The following SRL variants were observed in gnomAD, a reference collection of about 807,000 sequenced individuals.
SRL encodes the protein sarcalumenin.
Under a neutral mutation model 39.5 loss-of-function variants are expected in SRL, and 23 were observed. The ratio of observed to expected loss-of-function variants is 0.58; its 90% CI spans 0.42 to 0.82. The LOEUF (loss-of-function observed/expected upper bound fraction) is 0.82. SRL is among the 40% of genes least tolerant of loss of function. The pLI, the probability that SRL is intolerant of heterozygous loss-of-function variation, is 0.00. For missense variants in SRL, 592 were observed against 607.8 expected, an observed-to-expected ratio of 0.97 and a Z score of 0.27; for synonymous variants, 272 against 237.4, an observed-to-expected ratio of 1.15 and a Z score of -1.34.
rs1405953940 is a variant in SRL, at chr16:4,197,889, C to A, written c.286G>T (p.Val96Leu). ...TDGEITSKPMVLFLGPWSVGK... is the reference protein window; with the variant it reads ...TDGEITSKPMLLFLGPWSVGK... ...ACACTCCACGGTCCCAGGAACAGTA[C>A]CATGGGCTTGGAGGTAATCTCTCCA... Residue 96 changes from valine to leucine, a missense_variant, in exon 4 of 6, where the codon GTA becomes TTA. Coordinates refer to ENST00000399609, the MANE Select transcript of SRL (RefSeq NM_001098814.2). 2.5e-6 allele frequency: 4 copies of A among 1,613,720 alleles called. No homozygotes were observed. The highest frequency in any genetic ancestry group is 2.5e-6 in the Non-Finnish European group (3 of 1,179,644).
intron 1 of SRL, among the ~76,000 whole-genome samples, chr16:4,224,279 C>G (rs551816262): frequency 1.3e-5 from 2 of 152,208 alleles, no homozygotes; most frequent in Non-Finnish European, 2.9e-5. Context: ...AGAAAAACAC[C>G]AACCCTGCCC....
chr16:4,199,114 C>G (rs1412505532), intron 3 of SRL, among the ~76,000 whole-genome samples: 1 of 152,142 alleles, frequency 6.6e-6, no homozygotes, highest in Non-Finnish European at 1.5e-5. Flanking sequence ...CTGAGGCCAG[C>G]AGGCCACCCT....
intron 2 of SRL, 35 bp from the exon 3 acceptor site, chr16:4,203,296 G>T (rs749872952): frequency 1.9e-6 from 3 of 1,579,812 alleles, no homozygotes; most frequent in Non-Finnish European, 1.7e-6. Flanking sequence ...AGAGCATCAC[G>T]CAGGTGCGAT....
intron 1 of SRL, among the ~76,000 whole-genome samples, chr16:4,230,622 C>CAG (rs1567190189): frequency 6.6e-6 from 1 of 151,724 alleles, no homozygotes; most frequent in East Asian, 1.9e-4. Context: ...CTCCCGACCT[C>CAG]GTGATCCGCA....
chr16:4,192,862 A>T lies in SRL; in HGVS notation c.713T>A (p.Met238Lys). The T allele has an allele frequency of 6.2e-7, 1 of 1,614,200 alleles. No individual in the cohort carries two copies. ...TKLDVGLELE[M>K]LFRQLKGRES... is the part of the protein sequence containing the mutation. The stretch of plus-strand genomic sequence containing the variant: ...ACGCCCCTTCAACTGGCGGAAGAGC[A>T]TCTCCAGCTCTAGACCCACATCCAG... Residue 238 changes from methionine (M) to lysine (K), a missense_variant, in exon 6 of 6, where the codon ATG (methionine) becomes AAG (lysine). Physicochemically the swap from Met to Lys is moderately conservative, Grantham distance 95. Transcript: ENST00000399609. This position sits in a 1 kb window ranked among gnomAD's most constrained non-coding sequence, Gnocchi z 4.0.
chr16:4,211,111 T>A (rs1449462849), intron 1 of SRL, among the ~76,000 whole-genome samples: 1 of 152,028 alleles, frequency 6.6e-6, no homozygotes, highest in East Asian at 1.9e-4. Context: ...TGCTTCCCTT[T>A]CTCTGCAGTT....
Position 4,240,961 on chromosome 16 carries a change from C to T in SRL, c.61+1046G>A, listed in dbSNP as rs371692621. On this transcript the variant is annotated intron_variant, in intron 1 of 5. Transcript: ENST00000399609. ...GTGGCTGGAGCCCCCCACCTTACAT[C>T]TTGAGTCCCCGAGAAATAGCTTTTG... Among the ~76,000 whole-genome samples, 33 of 152,276 alleles carry T rather than the reference C, an allele frequency of 2.2e-4. No homozygotes were observed. In the East Asian group the frequency reaches 6.2e-3, roughly 28 times the overall value.
intron 1 of SRL, among the ~76,000 whole-genome samples, chr16:4,238,557 C>T (rs2052737671): frequency 6.6e-6 from 1 of 152,094 alleles, no homozygotes. Context: ...CACTGTAATA[C>T]CTGGATGTAG....
Position 4,204,634 on chromosome 16 carries a change from TC to T in SRL, c.62-1del. The T allele has an allele frequency of 6.2e-7, 1 of 1,613,074 alleles. No homozygotes were observed. Among genetic ancestry groups the T allele is most frequent in the Non-Finnish European group, 8.5e-7 (1 of 1,179,112 alleles). ...TTCTTCATTTGCATCCTCCGTCTCT[TC>T]TGTGGAGAGAAGCAGACAGCCAAGT... is the stretch of plus-strand genomic sequence containing the variant. On this transcript the variant is annotated splice_acceptor_variant, in intron 1 of 5. Coordinates refer to ENST00000399609, the MANE Select transcript of SRL (RefSeq NM_001098814.2). LOFTEE classifies it high-confidence loss of function.
At chr16:4,222,251 T>C (rs1373386631) in intron 1 of SRL, among the ~76,000 whole-genome samples, 1 of 152,218 alleles carries the variant, frequency 6.6e-6, no homozygotes, top group Non-Finnish European at 1.5e-5. Flanking sequence ...CTGCAGCACC[T>C]GTCACCTATG....
chr16:4,228,354 T>A (rs1253516293), intron 1 of SRL, among the ~76,000 whole-genome samples: 3 of 151,880 alleles, frequency 2.0e-5, no homozygotes, highest in Non-Finnish European at 4.4e-5. Context: ...GAGAACTGCT[T>A]GAACCCGGGA....
intron 3 of SRL, among the ~76,000 whole-genome samples, chr16:4,200,999 T>A (rs1017013824): frequency 2.0e-5 from 3 of 152,258 alleles, no homozygotes; most frequent in Admixed American, 6.5e-5. Flanking sequence ...GTAACATTTT[T>A]AAATTGCATT....
At chr16:4,209,579 G>T (rs1402281787) in intron 1 of SRL, among the ~76,000 whole-genome samples, 2 of 152,070 alleles carry the variant, frequency 1.3e-5, no homozygotes, top group African/African-American at 4.8e-5. Flanking sequence ...TCTCCCTCAG[G>T]GTACCCACCC....
At position 4,241,993 on chromosome 16, in the gene SRL, G is replaced by A; in HGVS notation, c.61+14C>T. ...GGACCAGTCTGGGCTGGGTCATGCT[G>A]GGAGGGGCCCTACCTGCTTGTCCTG... On this transcript the variant is annotated intron_variant, in intron 1 of 5. Coordinates refer to ENST00000399609, the MANE Select transcript of SRL (RefSeq NM_001098814.2). 1.2e-6 allele frequency: 2 copies of A among 1,613,728 alleles called. No homozygotes were observed. Among genetic ancestry groups the A allele is most frequent in the Non-Finnish European group, 1.7e-6 (2 of 1,179,908 alleles).
chr16:4,193,945 T>C (rs1040057201), intron 5 of SRL, among the ~76,000 whole-genome samples: 14 of 150,086 alleles, frequency 9.3e-5, no homozygotes, highest in African/African-American at 3.4e-4. Flanking sequence ...AAATATACTA[T>C]AATATTATTA....
At chr16:4,228,618 C>T (rs550078547) in intron 1 of SRL, among the ~76,000 whole-genome samples, 1 of 151,932 alleles carries the variant, frequency 6.6e-6, no homozygotes, top group South Asian at 2.1e-4. Context: ...ACCTGTAGTC[C>T]CAGCTACTCG....
chr16:4,223,963 G>A (rs551448284), intron 1 of SRL, among the ~76,000 whole-genome samples: 2 of 152,288 alleles, frequency 1.3e-5, no homozygotes, highest in East Asian at 3.9e-4. Flanking sequence ...GGCATAGCTG[G>A]CCCTGCTCCC....
At chr16:4,197,550 T>C (rs2052166219) in intron 4 of SRL, among the ~76,000 whole-genome samples, 2 of 151,526 alleles carry the variant, frequency 1.3e-5, no homozygotes, top group African/African-American at 4.9e-5. Context: ...AGTTCCTGAG[T>C]AGCTGGGATT....
chr16:4,194,801 G>A lies in SRL; in HGVS notation c.610+752C>T, dbSNP rs146091717. ...CATCGCAGTAACGACAAGAAGGGTGGAAGTTAAGAATGCCTCTCCTGGTCT... is the reference window on the plus strand; with the variant it reads ...CATCGCAGTAACGACAAGAAGGGTGAAAGTTAAGAATGCCTCTCCTGGTCT... On this transcript the variant is annotated intron_variant, in intron 5 of 5. Coordinates refer to ENST00000399609, the MANE Select transcript of SRL (RefSeq NM_001098814.2). Among the ~76,000 whole-genome samples the A allele has an allele frequency of 9.1e-4, 139 of 152,228 alleles. 1 individual carries two copies. The highest frequency in any genetic ancestry group is 3.3e-3 in the African/African-American group (136 of 41,546).
Sources: gnomAD v4.1 joint callset for allele counts (sites outside exome capture counted in the v4.1 genomes callset) on GRCh38, gnomAD v4.1.1 for gene constraint, Gnocchi (gnomAD v3.1) non-coding constraint, MANE v1.5 for transcripts, NCBI Gene and HGNC (gene_info 2026-07-23, HGNC 2026-07-21) for gene names.